Variants in UNC79 observed in about 807,000 individuals in gnomAD.
The protein encoded by UNC79 is unc-79 subunit of NALCN channel complex, also known as protein unc-79 homolog.
UNC79 carries 37 observed loss-of-function variants against 283.1 expected under a neutral mutation model. That is an observed-to-expected ratio of 0.13 (90% CI 0.10 to 0.17). UNC79 has a LOEUF of 0.17. Ranked by LOEUF, UNC79 falls within the 10% of genes least tolerant of loss-of-function variation. The pLI is 1.00. For missense variants in UNC79, 2,272 were observed against 3,211.1 expected (o/e 0.71, Z 7.07); for synonymous variants, 1,107 against 1,200.2 (o/e 0.92, Z 1.61).
chr14:93,520,201 C>T (rs889632717), intron 7 of UNC79, among the ~76,000 whole-genome samples: 4 of 151,624 alleles, frequency 2.6e-5, no homozygotes, highest in African/African-American at 7.3e-5. Flanking sequence ...CAGTTTTTTT[C>T]TTTCAGCCTA....
chr14:93,483,347 C>G (rs1016383551), intron 4 of UNC79, among the ~76,000 whole-genome samples: 7 of 152,104 alleles, frequency 4.6e-5, no homozygotes, highest in Non-Finnish European at 1.0e-4. Flanking sequence ...AGAGTAGCCA[C>G]TAGCCCCATG....
chr14:93,613,122 A>G (rs2066425905), intron 27 of UNC79, 39 bp downstream of exon 28: 1 of 1,607,794 alleles, frequency 6.2e-7, no homozygotes, highest in African/African-American at 1.3e-5. Context: ...ACACCTTTAT[A>G]CTTTTAGTAG....
At chr14:93,580,667 A>G (rs2063742337) in intron 19 of UNC79, among the ~76,000 whole-genome samples, 1 of 152,218 alleles carries the variant, frequency 6.6e-6, no homozygotes, top group Non-Finnish European at 1.5e-5. Flanking sequence ...CTTTTATCAC[A>G]AAGTTATATT....
At chr14:93,505,743 CT>C (rs2059506357) in intron 7 of UNC79, among the ~76,000 whole-genome samples, 1 of 147,078 alleles carries the variant, frequency 6.8e-6, no homozygotes, top group South Asian at 2.1e-4. Flanking sequence ...TTTTTTTTGC[CT>C]CTTTTGCACT....
At position 93,487,768 on chromosome 14, in the gene UNC79, T is replaced by C; in HGVS notation, c.712+13T>C. 6.2e-7 allele frequency: 1 copy of C among 1,608,398 alleles called. No homozygotes were observed. Among genetic ancestry groups the C allele is most frequent in the Non-Finnish European group, 8.5e-7 (1 of 1,176,892 alleles). On this transcript the variant is annotated intron_variant, in intron 5 of 48. Transcript: ENST00000555664. ...ACATCCAATCCAGGTAAGTGGAAAT[T>C]GGAATGGTTTGACTAATTCTAGTAC...
At chr14:93,439,934 A>T (rs1196842905) in intron 1 of UNC79, among the ~76,000 whole-genome samples, 1 of 152,022 alleles carries the variant, frequency 6.6e-6, no homozygotes, top group African/African-American at 2.4e-5. Flanking sequence ...CTCTGTTTTG[A>T]TGTTTATTTT....
intron 1 of UNC79, among the ~76,000 whole-genome samples, chr14:93,424,982 C>T (rs114216980): frequency 2.0e-5 from 3 of 152,228 alleles, no homozygotes; most frequent in African/African-American, 4.8e-5. Flanking sequence ...TAAATATATA[C>T]ACTTACTATG....
At chr14:93,536,802 T>G (rs975908809) in intron 11 of UNC79, among the ~76,000 whole-genome samples, 1 of 144,666 alleles carries the variant, frequency 6.9e-6, no homozygotes, top group Non-Finnish European at 1.5e-5. Flanking sequence ...TTTTTTTTTT[T>G]GTCTATCTAA....
At chr14:93,512,619 G>T (rs1330775338) in intron 7 of UNC79, among the ~76,000 whole-genome samples, 1 of 152,046 alleles carries the variant, frequency 6.6e-6, no homozygotes, top group Non-Finnish European at 1.5e-5. Flanking sequence ...CAAGTTCACT[G>T]ATCCTTTCTT....
chr14:93,369,895 G>T (rs1309282496), intron 1 of UNC79, among the ~76,000 whole-genome samples: 1 of 152,216 alleles, frequency 6.6e-6, no homozygotes, highest in Non-Finnish European at 1.5e-5. Flanking sequence ...ACCAGCTCCA[G>T]TTAGCTTTAG....
At chr14:93,537,440 C>T (rs2061146642) in intron 11 of UNC79, among the ~76,000 whole-genome samples, 1 of 152,242 alleles carries the variant, frequency 6.6e-6, no homozygotes, top group Non-Finnish European at 1.5e-5. Context: ...ATCACTTTGG[C>T]ACAGCACAGT....
Position 93,634,763 on chromosome 14 carries a change from A to G in UNC79, c.5717-2453A>G, listed in dbSNP as rs981177790. On this transcript the variant is annotated intron_variant, in intron 31 of 48. Coordinates refer to ENST00000555664, the Ensembl canonical transcript of UNC79. ...TGTTCTTTGGTTCAGGTAATTTTTC[A>G]AAACCACCTAAGGTAATTAGTAAGT... is the stretch of plus-strand genomic sequence containing the variant. 4.7e-6 allele frequency: 4 copies of G among 855,606 alleles called. No homozygotes were observed. The African/African-American group carries it at 6.8e-5, about 14-fold the overall frequency. The allele number at this position is 855,606 out of a possible 1,614,324, so 53.0% of individuals were successfully genotyped here.
At chr14:93,602,837 T>C (rs1566752559) in intron 25 of UNC79, among the ~76,000 whole-genome samples, 1 of 151,974 alleles carries the variant, frequency 6.6e-6, no homozygotes. Flanking sequence ...ATGGGGGTCT[T>C]GCTATATTGC....
At chr14:93,608,963 C>CTTATTGGCTTA (rs2066092756) in intron 26 of UNC79, among the ~76,000 whole-genome samples, 1 of 152,124 alleles carries the variant, frequency 6.6e-6, no homozygotes, top group African/African-American at 2.4e-5. Context: ...AGCCTATGTT[C>CTTATTGGCTTA]TTATTGGAGT....
chr14:93,518,097 A>G (rs1254892025), intron 7 of UNC79, among the ~76,000 whole-genome samples: 1 of 152,094 alleles, frequency 6.6e-6, no homozygotes, highest in Non-Finnish European at 1.5e-5. Context: ...TTCCATTTAC[A>G]GAGTAATACT....
chr14:93,694,212 C>T (rs1001370832), intron 46 of UNC79, 123 bp from the exon 50 acceptor site: 7 of 757,544 alleles, frequency 9.2e-6, no homozygotes, highest in African/African-American at 8.7e-5. Flanking sequence ...CCAGTGGTCT[C>T]CTACGGTCAT....
At chr14:93,592,956 G>A (rs1160059563) in intron 22 of UNC79, among the ~76,000 whole-genome samples, 3 of 152,198 alleles carry the variant, frequency 2.0e-5, no homozygotes, top group Admixed American at 6.5e-5. Flanking sequence ...TGGCTTCTCC[G>A]TTAAGCACAG....
At chr14:93,699,120 A>T (rs1229623636) in intron 47 of UNC79, among the ~76,000 whole-genome samples, 3 of 152,220 alleles carry the variant, frequency 2.0e-5, no homozygotes, top group East Asian at 1.9e-4. Flanking sequence ...TGTTGCTTTT[A>T]AAAAAATGCA....
At chr14:93,359,794 C>T (rs2054182426) in intron 1 of UNC79, among the ~76,000 whole-genome samples, 2 of 152,166 alleles carry the variant, frequency 1.3e-5, no homozygotes, top group Non-Finnish European at 2.9e-5. Context: ...ACCCAGAACC[C>T]CTTGAATGAA....
Sources: allele counts gnomAD v4.1 joint callset (sites outside exome capture counted in the v4.1 genomes callset), GRCh38; gene constraint gnomAD v4.1.1; transcripts MANE v1.5; gene names NCBI Gene and HGNC (gene_info 2026-07-23, HGNC 2026-07-21).